The following HSF2BP variants were observed in gnomAD, a reference collection of about 807,000 sequenced individuals.
The protein encoded by HSF2BP is heat shock transcription factor 2 binding protein, also known as heat shock factor 2-binding protein.
In HSF2BP, 35 loss-of-function variants were observed where a neutral mutation model predicts 35.0. The observed-to-expected ratio is 1.00, with a 90% CI of 0.76 to 1.32. The LOEUF is 1.32. Ranked by LOEUF, HSF2BP falls within the 40% of genes most tolerant of loss-of-function variation. The pLI is 0.00. For missense variants in HSF2BP, 326 were observed against 321.7 expected (o/e 1.01, Z -0.10); for synonymous variants, 114 against 117.4 (o/e 0.97, Z 0.18).
chr21:43,598,200 T>G (rs2082008901), intron 7 of HSF2BP, among the ~76,000 whole-genome samples: 1 of 151,996 alleles, frequency 6.6e-6, no homozygotes, highest in South Asian at 2.1e-4. Context: ...GTTTTTTTGT[T>G]TTTTTGTTTT....
chr21:43,623,731 C>T (rs1351221570), intron 6 of HSF2BP, among the ~76,000 whole-genome samples: 2 of 152,130 alleles, frequency 1.3e-5, no homozygotes, highest in Non-Finnish European at 2.9e-5. Context: ...TTGTTTGCTA[C>T]CTGTTGCATT....
At chr21:43,628,989 A>T (rs1048778199) in intron 6 of HSF2BP, among the ~76,000 whole-genome samples, 1 of 152,172 alleles carries the variant, frequency 6.6e-6, no homozygotes, top group African/African-American at 2.4e-5. Context: ...AGAAAAAAAG[A>T]TTTCTTTCAA....
intron 6 of HSF2BP, among the ~76,000 whole-genome samples, chr21:43,627,496 A>G (rs1201391071): frequency 6.6e-6 from 1 of 152,208 alleles, no homozygotes; most frequent in African/African-American, 2.4e-5. Flanking sequence ...TTTCCTTCAG[A>G]TCATTCATTC....
intron 6 of HSF2BP, among the ~76,000 whole-genome samples, chr21:43,614,672 TA>T (rs1158460224): frequency 6.6e-6 from 1 of 152,158 alleles, no homozygotes; most frequent in Non-Finnish European, 1.5e-5. Flanking sequence ...CTCCAAAATC[TA>T]AAAATTTTTG....
intron 2 of HSF2BP, among the ~76,000 whole-genome samples, chr21:43,657,491 G>A (rs942862138): frequency 4.6e-5 from 7 of 152,154 alleles, no homozygotes; most frequent in Non-Finnish European, 7.3e-5. Flanking sequence ...CAAGCCCTCC[G>A]CCCGTGATCT....
chr21:43,628,196 T>G (rs1237300686), intron 6 of HSF2BP, among the ~76,000 whole-genome samples: 2 of 152,218 alleles, frequency 1.3e-5, no homozygotes, highest in East Asian at 3.8e-4. Context: ...TAGAAATGAT[T>G]AAGCTTAGTG....
At position 43,644,393 on chromosome 21, in the gene HSF2BP, C is replaced by A. The variant is rs761161174; in HGVS notation, c.188-1G>T. 6.2e-7 allele frequency: 1 copy of A among 1,610,554 alleles called. No homozygotes were observed. Among genetic ancestry groups the A allele is most frequent in the Non-Finnish European group, 8.5e-7 (1 of 1,176,752 alleles). ...AATTCTTGCTCTTTCCTTTCCAGGTCTAGGAGAAAGACATAAAATTACTCA... is the reference window on the plus strand; with the variant it reads ...AATTCTTGCTCTTTCCTTTCCAGGTATAGGAGAAAGACATAAAATTACTCA... On this transcript the variant is annotated splice_acceptor_variant, in intron 3 of 8. Transcript: ENST00000291560. LOFTEE classifies it high-confidence loss of function.
intron 6 of HSF2BP, among the ~76,000 whole-genome samples, chr21:43,629,076 T>C (rs771642747): frequency 2.6e-4 from 40 of 152,200 alleles, no homozygotes; most frequent in Non-Finnish European, 5.3e-4. Context: ...TAATGTTGAC[T>C]CCATGCCTGC....
chr21:43,603,276 C>G (rs1343503937), intron 7 of HSF2BP, among the ~76,000 whole-genome samples: 1 of 152,304 alleles, frequency 6.6e-6, no homozygotes, highest in African/African-American at 2.4e-5. Flanking sequence ...GGGCCCCCCG[C>G]AATCCCAAGG....
chr21:43,574,537 T>G (rs988507615), intron 8 of HSF2BP, among the ~76,000 whole-genome samples: 1 of 152,118 alleles, frequency 6.6e-6, no homozygotes, highest in Non-Finnish European at 1.5e-5. Flanking sequence ...TTTTATATTT[T>G]TAGTAGAGAC....
Position 43,633,400 on chromosome 21 carries a change from G to A in HSF2BP, c.313C>T (p.Gln105Ter), listed in dbSNP as rs764414088. ...EKKEKLALRQ[Q>*]LNEAKQQLLQ... ...AGTTGCTGCTTCGCTTCATTCAACT[G>A]CTGTCGAAGAGCCAGTTTCTCCTAA... Residue 105 changes from glutamine to a stop codon, truncating the protein, a stop_gained, in exon 5 of 9, where the codon CAG becomes TAG. Transcript: ENST00000291560. LOFTEE classifies it high-confidence loss of function. 1.9e-6 allele frequency: 3 copies of A among 1,610,660 alleles called. No homozygotes were observed. The highest frequency in any genetic ancestry group is 1.7e-6 in the Non-Finnish European group (2 of 1,179,060).
At chr21:43,637,486 AAAATAAAT>A (rs149222641) in intron 4 of HSF2BP, among the ~76,000 whole-genome samples, 10 of 149,560 alleles carry the variant, frequency 6.7e-5, no homozygotes, top group Non-Finnish European at 8.9e-5. Context: ...AGTAATTATA[AAAATAAAT>A]AAATAAATAA....
rs1466938944 is a variant in HSF2BP, at chr21:43,659,211, C to A, written c.-225+175G>T. On this transcript the variant is annotated intron_variant, in intron 1 of 8. Transcript: ENST00000291560. This position sits in a 1 kb window ranked among gnomAD's most constrained non-coding sequence, Gnocchi z 4.2. ...ACTTGGGCGGTCGAGATGGGAGGATCGATCGAGTCTGGGAGGTCGAGGCTG... is the reference window on the plus strand; with the variant it reads ...ACTTGGGCGGTCGAGATGGGAGGATAGATCGAGTCTGGGAGGTCGAGGCTG... Among the ~76,000 whole-genome samples, 2 of 151,996 alleles carry A rather than the reference C, an allele frequency of 1.3e-5. No individual in the cohort carries two copies. Among genetic ancestry groups the A allele is most frequent in the Non-Finnish European group, 2.9e-5 (2 of 67,998 alleles).
At chr21:43,612,404 C>T (rs1374652416) in intron 7 of HSF2BP, among the ~76,000 whole-genome samples, 1 of 152,162 alleles carries the variant, frequency 6.6e-6, no homozygotes, top group East Asian at 1.9e-4. Context: ...GTAATCCCAG[C>T]ACTTTGGGAG....
chr21:43,467,962 CACCA>C, the HSF2BP span, among the ~76,000 whole-genome samples: 4,664 of 96,354 alleles, frequency 0.048, 209 homozygotes, highest in Non-Finnish European at 0.075. Flanking sequence ...ACCACACTTA[CACCA>C]CACACACACC....
intron 7 of HSF2BP, among the ~76,000 whole-genome samples, chr21:43,609,667 G>A (rs564448517): frequency 1.4e-4 from 22 of 152,166 alleles, no homozygotes; most frequent in Non-Finnish European, 2.2e-4. Context: ...AAGGGTGGGC[G>A]TTAGTGAAGT....
chr21:43,640,869 T>C (rs2082627738), intron 4 of HSF2BP, among the ~76,000 whole-genome samples: 1 of 152,188 alleles, frequency 6.6e-6, no homozygotes, highest in African/African-American at 2.4e-5. Context: ...AAAAAAATTT[T>C]TGTGGTACAA....
chr21:43,585,519 G>A lies in HSF2BP; in HGVS notation c.796+6706C>T, dbSNP rs546251829. 1.3e-4 allele frequency among the ~76,000 whole-genome samples: 20 copies of A among 152,006 alleles called. No homozygotes were observed. In the South Asian group the frequency reaches 1.5e-3, roughly 11 times the overall value. ...AAATTAGCTGGGCGTGGTGATGGGC[G>A]CCTGTAATCCCAGCTACTGGGAGGC... On this transcript the variant is annotated intron_variant, in intron 8 of 8. Coordinates refer to ENST00000291560, the MANE Select transcript of HSF2BP (RefSeq NM_007031.2).
intron 8 of HSF2BP, among the ~76,000 whole-genome samples, chr21:43,581,885 G>C (rs1341865721): frequency 6.7e-6 from 1 of 149,952 alleles, no homozygotes; most frequent in East Asian, 2.0e-4. Flanking sequence ...TGGGGGATGA[G>C]GGCCTGCTGT....
Sources: allele counts gnomAD v4.1 joint callset (sites outside exome capture counted in the v4.1 genomes callset), GRCh38; gene constraint gnomAD v4.1.1; non-coding constraint Gnocchi (gnomAD v3.1); transcripts MANE v1.5; gene names NCBI Gene and HGNC (gene_info 2026-07-23, HGNC 2026-07-21).